The following AHNAK2 variants were observed in gnomAD, a reference collection of about 807,000 sequenced individuals.
The protein encoded by AHNAK2 is protein AHNAK2.
In AHNAK2, 18 loss-of-function variants were observed where a neutral mutation model predicts 30.7. The ratio of observed to expected loss-of-function variants is 0.59; its 90% confidence interval spans 0.41 to 0.87. The LOEUF (loss-of-function observed/expected upper bound fraction) is 0.87. AHNAK2 is among the 40% of genes least tolerant of loss of function. The pLI, the probability that AHNAK2 is intolerant of heterozygous loss-of-function variation, is 0.00. For missense variants in AHNAK2, 8,604 were observed against 7,373.0 expected (o/e 1.17, Z -6.11); for synonymous variants, 3,590 against 3,073.8 (o/e 1.17, Z -5.56).
rs142198219 is a variant in AHNAK2 at position 104,948,887 on chromosome 14, A to G, written c.6564T>C (p.Ser2188=). The change falls in exon 7 of 7, where the codon AGT becomes AGC. Residue 2188 remains serine, a synonymous_variant. Coordinates refer to ENST00000333244, the MANE Select transcript of AHNAK2 (RefSeq NM_138420.4). ...TGAGGTCCCCCTGCATGGAGGGGAG[A>G]CTCATGTCGGCCTCCACCTTGGGTG... is the stretch of plus-strand genomic sequence containing the variant. ...VSPPKVEADM[S]LPSMQGDLKT... The G allele has an allele frequency of 4.8e-3, 7,624 of 1,590,160 alleles. 165 individuals carry two copies. The African/African-American group carries it at 0.057, about 12-fold the overall frequency.
At position 104,941,799 on chromosome 14, in the gene AHNAK2, A is replaced by G. The variant is rs372467147; in HGVS notation, c.13652T>C (p.Met4551Thr). ...GLKGHLPKVE[M>T]PSFKMPKVDL... ...CACTTTGGGCATCTTGAAACTGGGC[A>G]TCTCCACCTTGGGCAGGTGCCCTTT... The change falls in exon 7 of 7, where the codon ATG becomes ACG. Residue 4551 changes from methionine (M) to threonine (T), a missense_variant. Transcript: ENST00000333244. 4 of 1,613,438 alleles carry G rather than the reference A, an allele frequency of 2.5e-6. No individual in the cohort carries two copies. The South Asian group carries it at 3.3e-5, about 13-fold the overall frequency.
At chr14:104,959,012 G>A (rs753606807) in intron 1 of AHNAK2, among the ~76,000 whole-genome samples, 11 of 152,176 alleles carry the variant, frequency 7.2e-5, no homozygotes, top group Non-Finnish European at 1.6e-4. Flanking sequence ...CGAAGAATTT[G>A]ATATCAAGCA....
At position 104,943,812 on chromosome 14, in the gene AHNAK2, G is replaced by C; in HGVS notation, c.11639C>G (p.Ala3880Gly). The change falls in exon 7 of 7, where the codon GCC (alanine) becomes GGC (glycine). Residue 3880 changes from alanine (A) to glycine (G), a missense_variant. Coordinates refer to ENST00000333244, the MANE Select transcript of AHNAK2 (RefSeq NM_138420.4). ...CTTGGGCAGGTGTCCTTTGAGGCCG[G>C]CTTCCTCGGGCACGTGGCCCTCCAG... Reference protein sequence around the residue: ...KLLEGHVPEEAGLKGHLPKVQ... With the variant: ...KLLEGHVPEEGGLKGHLPKVQ... 3 of 1,613,264 alleles carry C rather than the reference G, an allele frequency of 1.9e-6. No homozygotes were observed. Among genetic ancestry groups the C allele is most frequent in the Non-Finnish European group, 2.5e-6 (3 of 1,179,626 alleles).
rs1422399204 is a variant in AHNAK2 at position 104,952,889 on chromosome 14, G to T, written c.2562C>A (p.Asp854Glu). The change falls in exon 7 of 7, where the codon GAC (aspartate) becomes GAA (glutamate). Residue 854 changes from aspartate (D) to glutamate (E), a missense_variant. Physicochemically the swap from Asp to Glu is conservative, Grantham distance 45. Transcript: ENST00000333244. ...CCTTCGGCGCAGACACATCCACCGA[G>T]TCCTCCATGGACTTGCCTGGGGCCG... ...GVSAPGKSMEDSVDVSAPKVE... is the reference protein window; with the variant it reads ...GVSAPGKSMEESVDVSAPKVE... 3 of 1,612,166 alleles carry T rather than the reference G, an allele frequency of 1.9e-6. No homozygotes were observed. The highest frequency in any genetic ancestry group is 2.5e-6 in the Non-Finnish European group (3 of 1,179,458).
chr14:104,947,179 C>T lies in AHNAK2; in HGVS notation c.8272G>A (p.Val2758Met), dbSNP rs549568568. The T allele has an allele frequency of 1.4e-5, 23 of 1,610,804 alleles. 1 individual carries two copies. Among genetic ancestry groups the T allele is most frequent in the Admixed American group, 1.3e-4 (8 of 59,700 alleles). The change falls in exon 7 of 7, where the codon GTG becomes ATG. Residue 2758 changes from valine to methionine, a missense_variant. Val to Met is a conservative substitution (Grantham distance 21). Transcript: ENST00000333244. ...GPQIDVKGPN[V>M]DLKGPKAEVT... is the part of the protein sequence containing the mutation. Reference sequence around the variant, plus strand: ...TCCGCCTTGGGGCCTTTCAGGTCCACGTTGGGGCCCTTAACATCTATCTGG... The same window carrying T: ...TCCGCCTTGGGGCCTTTCAGGTCCATGTTGGGGCCCTTAACATCTATCTGG...
At position 104,951,879 on chromosome 14, in the gene AHNAK2, G is replaced by A. The variant is rs759321759; in HGVS notation, c.3572C>T (p.Pro1191Leu). ...SIEASVDVSAPKVEADVSLPS... is the reference protein window; with the variant it reads ...SIEASVDVSALKVEADVSLPS... ...GAGACTCACGTCGGCCTCCACTTTG[G>A]GTGCAGACACATCCACCGAGGCCTC... The change falls in exon 7 of 7, where the codon CCC becomes CTC. Residue 1191 changes from proline (P) to leucine (L), a missense_variant. Transcript: ENST00000333244. 6.8e-6 allele frequency: 11 copies of A among 1,609,248 alleles called. No homozygotes were observed. Among genetic ancestry groups the A allele is most frequent in the South Asian group, 5.5e-5 (5 of 90,448 alleles).
Position 104,978,260 on chromosome 14 carries a change from C to T in AHNAK2, c.-23G>A, listed in dbSNP as rs569679227. The T allele has an allele frequency of 4.9e-5, 58 of 1,182,990 alleles. No individual in the cohort carries two copies. Among genetic ancestry groups the T allele is most frequent in the South Asian group, 2.1e-4 (5 of 24,196 alleles). 73.3% of individuals were successfully genotyped at this position (1,182,990 alleles called of 1,614,324 possible). On this transcript the variant is annotated 5_prime_UTR_variant, in exon 1 of 7. Coordinates refer to ENST00000333244, the MANE Select transcript of AHNAK2 (RefSeq NM_138420.4). The stretch of plus-strand genomic sequence containing the variant: ...CATCGCGGCGGCCAGGCGGTGCGGG[C>T]CTGGCGGCCCGTCGCGTCCAGTCGC...
At position 104,950,863 on chromosome 14, in the gene AHNAK2, G is replaced by A. The variant is rs148890906; in HGVS notation, c.4588C>T (p.Pro1530Ser). ...GCCTTGAGGTCCCCCTGCATGGAGG[G>A]GAGGCTCACGTCGGCCTCCACCTTC... ...APKVEADVSLPSMQGDLKATD... is the reference protein window; with the variant it reads ...APKVEADVSLSSMQGDLKATD... The change falls in exon 7 of 7, where the codon CCC (proline) becomes TCC (serine). Residue 1530 changes from proline to serine, a missense_variant. By Grantham distance (74) the Pro-to-Ser change is moderately conservative. Transcript: ENST00000333244. 4,949 of 1,582,598 alleles carry A rather than the reference G, an allele frequency of 3.1e-3. 379 individuals carry two copies. In the African/African-American group the frequency reaches 0.039, roughly 13 times the overall value.
At chr14:104,964,244 C>G (rs139449736) in intron 1 of AHNAK2, among the ~76,000 whole-genome samples, 126 of 152,278 alleles carry the variant, frequency 8.3e-4, no homozygotes, top group African/African-American at 3.0e-3. Context: ...GGAAAGATGG[C>G]CAGCATTTCT....
chr14:104,963,763 G>T (rs907879806), intron 1 of AHNAK2, among the ~76,000 whole-genome samples: 1 of 151,172 alleles, frequency 6.6e-6, no homozygotes, highest in Non-Finnish European at 1.5e-5. Flanking sequence ...CCGGGAGGCG[G>T]AGCTTGCAGT....
In AHNAK2 at chr14:104,948,530, G is replaced by C. The variant is rs371055644; in HGVS notation, c.6921C>G (p.Ala2307=). The C allele has an allele frequency of 9.9e-6, 16 of 1,609,484 alleles. No individual in the cohort carries two copies. Among genetic ancestry groups the C allele is most frequent in the South Asian group, 6.6e-5 (6 of 90,894 alleles). The change falls in exon 7 of 7, where the codon GCC becomes GCG. Residue 2307 remains alanine, a synonymous_variant. Transcript: ENST00000333244. The part of the protein sequence containing the change: ...GARLEGDMSL[A]DKDVTAKDSK... ...TGTCTTTGGCAGTCACGTCCTTGTC[G>C]GCCAGGGACATGTCCCCCTCCAGCC... is the stretch of plus-strand genomic sequence containing the variant.
intron 3 of AHNAK2, 118 bp downstream of exon 3, chr14:104,957,292 A>T: frequency 1.1e-6 from 1 of 932,350 alleles, no homozygotes; most frequent in Non-Finnish European, 1.6e-6. Context: ...CTGAGTGGGC[A>T]CTGCCCAGTG....
At position 104,946,150 on chromosome 14, in the gene AHNAK2, C is replaced by T. The variant is rs775880388; in HGVS notation, c.9301G>A (p.Asp3101Asn). Reference protein sequence around the residue: ...KGPKTDVTAPDVEVSQPGMEV... With the variant: ...KGPKTDVTAPNVEVSQPGMEV... ...ATGCCGGGCTGAGACACCTCCACGTCGGGGGCCGTCACGTCCGTCTTCGGG... is the reference window on the plus strand; with the variant it reads ...ATGCCGGGCTGAGACACCTCCACGTTGGGGGCCGTCACGTCCGTCTTCGGG... The change falls in exon 7 of 7, where the codon GAC (aspartate) becomes AAC (asparagine). Residue 3101 changes from aspartate (D) to asparagine (N), a missense_variant. Asp to Asn is a conservative substitution (Grantham distance 23, BLOSUM62 1). Coordinates refer to ENST00000333244, the MANE Select transcript of AHNAK2 (RefSeq NM_138420.4). 4.3e-6 allele frequency: 7 copies of T among 1,612,180 alleles called. No individual in the cohort carries two copies. Among genetic ancestry groups the T allele is most frequent in the African/African-American group, 4.0e-5 (3 of 74,430 alleles).
chr14:104,955,203 G>A (rs1423672757), intron 5 of AHNAK2, 62 bp from the exon 6 acceptor site: 1 of 1,529,356 alleles, frequency 6.5e-7, no homozygotes, highest in Admixed American at 1.8e-5. Flanking sequence ...CTGCTGTCTT[G>A]CCTTGGCTGG....
intron 1 of AHNAK2, among the ~76,000 whole-genome samples, chr14:104,968,398 G>C (rs890035155): frequency 2.0e-5 from 3 of 152,184 alleles, no homozygotes; most frequent in African/African-American, 7.2e-5. Context: ...GATCCTGGCC[G>C]GGAGGCGGGG....
In AHNAK2 at chr14:104,957,561, G is replaced by A. The variant is rs1899015149; in HGVS notation, c.114+53C>T. ...GCCACTCGGTTCTCCCAGGGCCCAG[G>A]GAGAATGGGGGCAGGGTATGAGGAG... On this transcript the variant is annotated intron_variant, in intron 2 of 6. Transcript: ENST00000333244. 8 of 1,597,936 alleles carry A rather than the reference G, an allele frequency of 5.0e-6. No homozygotes were observed. In the African/African-American group the frequency reaches 8.0e-5, roughly 16 times the overall value.
At position 104,962,464 on chromosome 14, in the gene AHNAK2, C is replaced by T. The variant is rs574322780; in HGVS notation, c.56-4792G>A. On this transcript the variant is annotated intron_variant, in intron 1 of 6. Coordinates refer to ENST00000333244, the MANE Select transcript of AHNAK2 (RefSeq NM_138420.4). ...GTTTTGAGACAGGGTCTCACTCTGT[C>T]GCTCAGGCTGGAATGCAGTGGCACA... Among the ~76,000 whole-genome samples, 164 of 152,292 alleles carry T rather than the reference C, an allele frequency of 1.1e-3. 1 individual carries two copies. The highest frequency in any genetic ancestry group is 3.6e-3 in the African/African-American group (148 of 41,560).
chr14:104,947,938 A>T lies in AHNAK2; in HGVS notation c.7513T>A (p.Ser2505Thr), dbSNP rs758508998. 1.2e-6 allele frequency: 2 copies of T among 1,612,528 alleles called. No homozygotes were observed. Among genetic ancestry groups the T allele is most frequent in the Non-Finnish European group, 1.7e-6 (2 of 1,179,576 alleles). ...ACCTTCGGCGCAGACACATCCACCG[A>T]GGCCTCGATGGACTTGCCTGGGGCA... ...VSAPGKSIEA[S>T]VDVSAPKVEA... Residue 2505 changes from serine (S) to threonine (T), a missense_variant, in exon 7 of 7, where the codon TCG becomes ACG. Ser to Thr is a moderately conservative substitution (Grantham distance 58). Transcript: ENST00000333244.
chr14:104,963,356 G>A (rs1899203380), intron 1 of AHNAK2, among the ~76,000 whole-genome samples: 1 of 152,174 alleles, frequency 6.6e-6, no homozygotes, highest in African/African-American at 2.4e-5. Flanking sequence ...TATCCATATG[G>A]AAAAACATTA....
Sources: allele counts gnomAD v4.1 joint callset (sites outside exome capture counted in the v4.1 genomes callset), GRCh38; gene constraint gnomAD v4.1.1; transcripts MANE v1.5; gene names NCBI Gene and HGNC (gene_info 2026-07-23, HGNC 2026-07-21).